Variants in MARK3 observed in about 807,000 individuals in gnomAD.
MARK3 encodes the protein MAP/microtubule affinity-regulating kinase 3.
Under a neutral mutation model 90.1 loss-of-function variants are expected in MARK3, and 46 were observed. The observed-to-expected ratio is 0.51, with a 90% CI of 0.40 to 0.65. The LOEUF (loss-of-function observed/expected upper bound fraction) is 0.65, where lower values mean the gene tolerates loss of function less well. Among genes scored for constraint, MARK3 ranks in the 30% least tolerant of loss-of-function variants. The pLI, the probability that MARK3 is intolerant of heterozygous loss-of-function variation, is 0.00. For synonymous variants in MARK3, 321 were observed against 332.6 expected (o/e 0.97, Z 0.38); for missense variants, 818 against 947.2 (o/e 0.86, Z 1.79).
chr14:103,486,171 C>A (rs1380903323), intron 14 of MARK3, among the ~76,000 whole-genome samples: 8 of 151,856 alleles, frequency 5.3e-5, no homozygotes, highest in Non-Finnish European at 1.0e-4. Context: ...AGGCACAGTG[C>A]CTCACACCTA....
intron 2 of MARK3, among the ~76,000 whole-genome samples, chr14:103,408,803 A>G (rs2091461162): frequency 6.6e-6 from 1 of 152,240 alleles, no homozygotes; most frequent in Non-Finnish European, 1.5e-5. Context: ...TTGACAATTC[A>G]TTAATTTTAG....
intron 12 of MARK3, 130 bp downstream of exon 12, chr14:103,468,316 T>TA: frequency 3.0e-4 from 15 of 49,354 alleles, no homozygotes; most frequent in Non-Finnish European, 3.8e-4. Flanking sequence ...TCTTTCTTCT[T>TA]TTTTTTTTTT....
At chr14:103,478,089 G>A (rs1026894089) in intron 13 of MARK3, among the ~76,000 whole-genome samples, 5 of 151,754 alleles carry the variant, frequency 3.3e-5, no homozygotes, top group African/African-American at 4.8e-5. Flanking sequence ...AAGGTCAGGC[G>A]TTCAAGACCA....
At position 103,468,075 on chromosome 14, in the gene MARK3, G is replaced by A; in HGVS notation, c.1153G>A (p.Ala385Thr). 1 of 1,613,906 alleles carries A rather than the reference G, an allele frequency of 6.2e-7. No individual in the cohort carries two copies. The highest frequency in any genetic ancestry group is 1.3e-5 in the African/African-American group (1 of 74,984). Residue 385 changes from alanine (A) to threonine (T), a missense_variant, in exon 12 of 18, where the codon GCT becomes ACT. Physicochemically the swap from Ala to Thr is moderately conservative, Grantham distance 58. Around this residue, in one of 3 missense-constraint regions of MARK3, gnomAD observed 560 missense variants for 613.5 expected, o/e 0.91. Coordinates refer to ENST00000429436, the MANE Select transcript of MARK3 (RefSeq NM_001128918.3). ...DSSSSSNLSL[A>T]KVRPSSDLNN... ...CAGTTCTAGCAGCAATCTTTCACTT[G>A]CTAAGGTTAGGCCGAGCAGTGATCT...
chr14:103,460,094 TTTTTTTTTTTG>T (rs1393709870), intron 6 of MARK3, among the ~76,000 whole-genome samples: 3 of 125,278 alleles, frequency 2.4e-5, no homozygotes, highest in Non-Finnish European at 3.4e-5. Context: ...TTTTTTTTTT[TTTTTTTTTTTG>T]AGACAAATCT....
At chr14:103,402,463 A>G (rs1241504466) in intron 1 of MARK3, among the ~76,000 whole-genome samples, 1 of 151,876 alleles carries the variant, frequency 6.6e-6, no homozygotes, top group African/African-American at 2.4e-5. Context: ...GAGGCAGGAG[A>G]ATTGCTTCAA....
intron 14 of MARK3, among the ~76,000 whole-genome samples, chr14:103,484,001 T>C (rs1003603316): frequency 1.3e-5 from 2 of 152,172 alleles, no homozygotes; most frequent in Non-Finnish European, 2.9e-5. Flanking sequence ...AAACCTAATC[T>C]TTCAAGTTAA....
chr14:103,503,333 C>A lies in MARK3; in HGVS notation c.*106C>A. ...GCAATAACGTCTGCATCTTCTAAAT[C>A]ATGAAATTAAAGTCTGAGGACGAGA... On this transcript the variant is annotated 3_prime_UTR_variant, in exon 18 of 18. Transcript: ENST00000429436. 9.4e-7 allele frequency: 1 copy of A among 1,067,550 alleles called. No individual in the cohort carries two copies. The highest frequency in any genetic ancestry group is 1.3e-6 in the Non-Finnish European group (1 of 748,962). The allele number at this position is 1,067,550 out of a possible 1,614,324, so 66.1% of individuals were successfully genotyped here.
rs370045598 is a variant in MARK3 at position 103,435,959 on chromosome 14, C to T, written c.297+7519C>T. Among the ~76,000 whole-genome samples the T allele has an allele frequency of 3.9e-5, 6 of 152,094 alleles. No homozygotes were observed. In the South Asian group the frequency reaches 6.2e-4, roughly 16 times the overall value. On this transcript the variant is annotated intron_variant, in intron 3 of 17. Transcript: ENST00000429436. ...AGCCTGGAGTGCAGTGGTGCCATCT[C>T]GGCTCACTGCAACCCCTGCCTCCCG...
At chr14:103,471,816 CAAT>C (rs10592836) in intron 12 of MARK3, among the ~76,000 whole-genome samples, 39,096 of 151,726 alleles carry the variant, frequency 0.26, 6,224 homozygotes, top group Middle Eastern at 0.44. Context: ...GTTTACTAAT[CAAT>C]GAGTGGTATT....
intron 3 of MARK3, among the ~76,000 whole-genome samples, chr14:103,434,398 A>G (rs951996299): frequency 2.0e-5 from 3 of 152,166 alleles, no homozygotes; most frequent in Non-Finnish European, 4.4e-5. Context: ...TTACCCACAG[A>G]AGCTACTGAC....
chr14:103,471,177 G>A (rs550133988), intron 12 of MARK3, among the ~76,000 whole-genome samples: 24 of 152,156 alleles, frequency 1.6e-4, no homozygotes, highest in Non-Finnish European at 2.5e-4. Context: ...AAACCATCTG[G>A]TTTAACTTGT....
intron 2 of MARK3, among the ~76,000 whole-genome samples, chr14:103,424,536 A>C (rs1358744222): frequency 2.2e-4 from 2 of 9,178 alleles, no homozygotes; most frequent in African/African-American, 2.6e-4. Flanking sequence ...AAAAAAAAAA[A>C]ACAAAAAAAA....
intron 1 of MARK3, among the ~76,000 whole-genome samples, chr14:103,404,199 T>C (rs988681246): frequency 1.3e-5 from 2 of 152,190 alleles, no homozygotes; most frequent in Non-Finnish European, 2.9e-5. Flanking sequence ...AGGCTTGTTT[T>C]GATTTATAGG....
At chr14:103,390,586 A>T (rs918888337) in intron 1 of MARK3, among the ~76,000 whole-genome samples, 1 of 152,222 alleles carries the variant, frequency 6.6e-6, no homozygotes, top group Non-Finnish European at 1.5e-5. Context: ...GATAAGCTTT[A>T]AAAAAACTGC....
rs146196534 is a variant in MARK3, at chr14:103,499,983, G to A, written c.1872-173G>A. The A allele has an allele frequency of 1.0e-3, 634 of 635,642 alleles. 4 individuals are homozygous for A. Among genetic ancestry groups the A allele is most frequent in the African/African-American group, 9.6e-3 (531 of 55,390 alleles). The allele number at this position is 635,642 out of a possible 1,614,324, so 39.4% of individuals were successfully genotyped here. ...CTGCAGCCTTGTGGAAGAAGGTAGC[G>A]CTGGCTCAGTCAAATGAGAGGAAGA... On this transcript the variant is annotated intron_variant, in intron 16 of 17. Transcript: ENST00000429436.
Position 103,401,431 on chromosome 14 carries a change from T to A in MARK3, c.52-3645T>A, listed in dbSNP as rs148964431. ...GTGGTAATACATACCACCAACATCC[T>A]CATGATTTAACACAATAAAAAACTT... is the stretch of plus-strand genomic sequence containing the variant. On this transcript the variant is annotated intron_variant, in intron 1 of 17. Transcript: ENST00000429436. Among the ~76,000 whole-genome samples the A allele has an allele frequency of 7.2e-4, 110 of 152,272 alleles. 1 individual carries two copies. Among genetic ancestry groups the A allele is most frequent in the East Asian group, 5.0e-3 (26 of 5,178 alleles).
At chr14:103,400,227 C>T (rs2090868862) in intron 1 of MARK3, among the ~76,000 whole-genome samples, 4 of 152,130 alleles carry the variant, frequency 2.6e-5, no homozygotes, top group Admixed American at 2.6e-4. Flanking sequence ...CAGTGCCCGG[C>T]CTCCCCTTTT....
rs368996635 is a variant in MARK3, at chr14:103,410,662, G to C, written c.243+5395G>C. Among the ~76,000 whole-genome samples the C allele has an allele frequency of 1.8e-4, 28 of 152,166 alleles. 1 individual carries two copies. The East Asian group carries it at 5.0e-3, about 27-fold the overall frequency. ...GACTGCATTGTGCTATGATTGTACC[G>C]CTGTACTCCAGCCGGGGCAACAGAG... On this transcript the variant is annotated intron_variant, in intron 2 of 17. Transcript: ENST00000429436.
Sources: allele counts gnomAD v4.1 joint callset (sites outside exome capture counted in the v4.1 genomes callset), GRCh38; gene constraint gnomAD v4.1.1; regional missense constraint gnomAD v4.1.1; transcripts MANE v1.5; gene names NCBI Gene and HGNC (gene_info 2026-07-23, HGNC 2026-07-21).